The following SUPT3H variants were observed in gnomAD, a reference collection of about 807,000 sequenced individuals.
The protein encoded by SUPT3H is transcription initiation protein SPT3 homolog.
In SUPT3H, 44 loss-of-function variants were observed where a neutral mutation model predicts 44.3. The observed-to-expected ratio is 0.99, with a 90% CI of 0.78 to 1.28. The LOEUF (loss-of-function observed/expected upper bound fraction) is 1.28. SUPT3H is among the 50% of genes most tolerant of loss of function. SUPT3H has a pLI of 0.00. For synonymous variants in SUPT3H, 124 were observed against 125.6 expected (o/e 0.99, Z 0.09); for missense variants, 380 against 387.1 (o/e 0.98, Z 0.15).
intron 6 of SUPT3H, among the ~76,000 whole-genome samples, chr6:44,986,327 A>T (rs1779787607): frequency 6.6e-6 from 1 of 152,318 alleles, no homozygotes; most frequent in African/African-American, 2.4e-5. Context: ...TATAAAGTGA[A>T]CAGGGTAACA....
intron 2 of SUPT3H, among the ~76,000 whole-genome samples, chr6:45,249,168 CCTGA>C (rs767501424): frequency 2.2e-4 from 33 of 152,080 alleles, no homozygotes; most frequent in African/African-American, 4.1e-4. Context: ...TAAATAGTTT[CCTGA>C]CTAATATTCA....
Position 45,267,224 on chromosome 6 carries a change from C to T in SUPT3H, c.101+97977G>A, listed in dbSNP as rs556084029. On this transcript the variant is annotated intron_variant, in intron 2 of 10. Coordinates refer to ENST00000371459, the MANE Select transcript of SUPT3H (RefSeq NM_003599.4). ...AGGCTGACCATGCCACACATATCTC[C>T]GATTTTAATTTATATAACGGATTTA... Among the ~76,000 whole-genome samples, 425 of 152,184 alleles carry T rather than the reference C, an allele frequency of 2.8e-3. 1 individual carries two copies. The highest frequency in any genetic ancestry group is 3.4e-3 in the Middle Eastern group (1 of 294).
At chr6:45,006,641 G>C (rs111448913) in intron 5 of SUPT3H, among the ~76,000 whole-genome samples, 1 of 151,820 alleles carries the variant, frequency 6.6e-6, no homozygotes, top group Non-Finnish European at 1.5e-5. Flanking sequence ...TTCTTCTAAC[G>C]TTTCACCCTT....
At chr6:44,872,590 C>G (rs1776579146) in intron 10 of SUPT3H, among the ~76,000 whole-genome samples, 1 of 151,446 alleles carries the variant, frequency 6.6e-6, no homozygotes, top group African/African-American at 2.4e-5. Flanking sequence ...ACTGCATCAA[C>G]TAACGAGCAA....
intron 2 of SUPT3H, among the ~76,000 whole-genome samples, chr6:45,106,921 T>C (rs1007693488): frequency 6.6e-6 from 1 of 152,212 alleles, no homozygotes; most frequent in Non-Finnish European, 1.5e-5. Context: ...CAGCAAATCA[T>C]GTAACCACAT....
In SUPT3H at chr6:44,881,874, A is replaced by C. The variant is rs971966483; in HGVS notation, c.912+50779T>G. On this transcript the variant is annotated intron_variant, in intron 10 of 10. Coordinates refer to ENST00000371459, the MANE Select transcript of SUPT3H (RefSeq NM_003599.4). ...CATGACGTACAAGAATCTCTGGGAC[A>C]CAGCTAAAGCAGTGATTAGAGGGAA... Among the ~76,000 whole-genome samples the C allele has an allele frequency of 3.9e-5, 6 of 152,356 alleles. No individual in the cohort carries two copies. In the East Asian group the frequency reaches 1.2e-3, roughly 29 times the overall value.
intron 2 of SUPT3H, among the ~76,000 whole-genome samples, chr6:45,249,701 C>T (rs1359044234): frequency 6.6e-6 from 1 of 152,070 alleles, no homozygotes; most frequent in African/African-American, 2.4e-5. Flanking sequence ...TCCAACCTCA[C>T]TCAAGCCATG....
At chr6:45,200,857 TA>T (rs1228166213) in intron 2 of SUPT3H, among the ~76,000 whole-genome samples, 1 of 151,572 alleles carries the variant, frequency 6.6e-6, no homozygotes, top group African/African-American at 2.4e-5. Flanking sequence ...CCATAAACTT[TA>T]TATAAATTAC....
At chr6:44,905,056 C>A (rs1765766164) in intron 10 of SUPT3H, among the ~76,000 whole-genome samples, 1 of 151,998 alleles carries the variant, frequency 6.6e-6, no homozygotes, top group African/African-American at 2.4e-5. Context: ...AGACCTAAAA[C>A]CATAAAAACC....
At chr6:44,812,306 AAGGTCTCCATTTTCG>A (rs1766588685) in intron 11 of SUPT3H, among the ~76,000 whole-genome samples, 1 of 152,144 alleles carries the variant, frequency 6.6e-6, no homozygotes, top group African/African-American at 2.4e-5. Flanking sequence ...CTTCAGTACC[AAGGTCTCCATTTTCG>A]AGCCGTCTGT....
chr6:45,306,649 A>C (rs555525742), intron 2 of SUPT3H, among the ~76,000 whole-genome samples: 1 of 152,260 alleles, frequency 6.6e-6, no homozygotes, highest in Admixed American at 6.5e-5. Context: ...AAAGAATACA[A>C]TCGGGCGGTT....
Position 45,353,779 on chromosome 6 carries a change from AT to A in SUPT3H, c.101+11421del, listed in dbSNP as rs905912159. ...TCAACTATATGAGCAATGAAAACTC[AT>A]TTTTTTTTTTAATCACTATATACAA... On this transcript the variant is annotated intron_variant, in intron 2 of 10. Transcript: ENST00000371459. Among the ~76,000 whole-genome samples the A allele has an allele frequency of 1.1e-3, 164 of 148,394 alleles. 1 individual carries two copies. The highest frequency in any genetic ancestry group is 2.5e-3 in the African/African-American group (101 of 40,708).
intron 10 of SUPT3H, among the ~76,000 whole-genome samples, chr6:44,925,844 T>G (rs1425007017): frequency 2.0e-5 from 3 of 152,168 alleles, no homozygotes; most frequent in Non-Finnish European, 4.4e-5. Flanking sequence ...GTTAAAATCA[T>G]TACCATTACC....
At chr6:44,888,280 C>T (rs538684342) in intron 10 of SUPT3H, among the ~76,000 whole-genome samples, 4 of 152,240 alleles carry the variant, frequency 2.6e-5, no homozygotes, top group East Asian at 1.9e-4. Context: ...CCAGCATCAT[C>T]CTGATACCAA....
intron 10 of SUPT3H, among the ~76,000 whole-genome samples, chr6:44,854,118 A>C (rs1054325046): frequency 6.6e-5 from 10 of 152,172 alleles, no homozygotes; most frequent in African/African-American, 2.4e-4. Flanking sequence ...TCAGTCATTT[A>C]AACAGATGAA....
intron 2 of SUPT3H, among the ~76,000 whole-genome samples, chr6:45,166,989 C>T (rs1809994680): frequency 6.6e-6 from 1 of 152,186 alleles, no homozygotes; most frequent in South Asian, 2.1e-4. Context: ...TAAACATACA[C>T]TACATGACCA....
chr6:44,960,604 A>T (rs971825447), intron 7 of SUPT3H, among the ~76,000 whole-genome samples: 2 of 152,182 alleles, frequency 1.3e-5, no homozygotes, highest in South Asian at 2.1e-4. Context: ...AATATAATTT[A>T]AAAAAATAGT....
At chr6:45,137,355 G>A (rs1804463358) in intron 2 of SUPT3H, among the ~76,000 whole-genome samples, 1 of 151,778 alleles carries the variant, frequency 6.6e-6, no homozygotes, top group Non-Finnish European at 1.5e-5. Flanking sequence ...AAATATGGGG[G>A]TAAACATAAA....
chr6:45,373,814 A>G (rs1796421828), intron 1 of SUPT3H, among the ~76,000 whole-genome samples: 1 of 151,994 alleles, frequency 6.6e-6, no homozygotes, highest in Non-Finnish European at 1.5e-5. Context: ...CAGCCTCCCA[A>G]AGTGCTGGGA....
Sources: allele counts gnomAD v4.1 joint callset (sites outside exome capture counted in the v4.1 genomes callset), GRCh38; gene constraint gnomAD v4.1.1; transcripts MANE v1.5; gene names NCBI Gene and HGNC (gene_info 2026-07-23, HGNC 2026-07-21).